The following PUDP variants were observed in gnomAD, a reference collection of about 807,000 sequenced individuals.
PUDP encodes pseudouridine-5'-phosphatase.
A neutral mutation model predicts 9.4 loss-of-function variants in PUDP; 8 were observed. That is an observed-to-expected ratio of 0.85 (90% CI 0.50 to 1.53). The LOEUF (loss-of-function observed/expected upper bound fraction) is 1.53, where lower values mean the gene tolerates loss of function less well. PUDP is among the 40% of genes most tolerant of loss of function. The pLI, the probability that PUDP is intolerant of heterozygous loss-of-function variation, is 0.00. For synonymous variants in PUDP, 99 were observed against 80.7 expected, an observed-to-expected ratio of 1.23 and a Z score of -1.22; for missense variants, 188 against 189.7, an observed-to-expected ratio of 0.99 and a Z score of 0.05.
chrX:7,122,849 T>A lies in PUDP; in HGVS notation c.62-17011A>T, dbSNP rs190610681. ...TATATATTTTCCTTCTCAACATACT[T>A]TCAGTATTTGAATAAAGATTAATGA... On this transcript the variant is annotated intron_variant, in intron 1 of 3. Transcript: ENST00000381077. 4.7e-3 allele frequency among the ~76,000 whole-genome samples: 532 copies of A among 112,715 alleles called. 4 individuals carry two copies. Among genetic ancestry groups the A allele is most frequent in the Non-Finnish European group, 7.2e-3 (382 of 53,346 alleles).
At chrX:7,135,798 T>C (rs1174728578) in intron 1 of PUDP, among the ~76,000 whole-genome samples, 1 of 111,137 alleles carries the variant, frequency 9.0e-6, no homozygotes, top group Non-Finnish European at 1.9e-5. Flanking sequence ...AACATCTACA[T>C]ACCCTATACC....
At position 6,841,074 on chromosome X, in the gene PUDP, C is replaced by T. The variant is rs868164255; in HGVS notation, c.*248-134608G>A. Among the ~76,000 whole-genome samples, 98 of 110,510 alleles carry T rather than the reference C, an allele frequency of 8.9e-4. 1 individual carries two copies. The highest frequency in any genetic ancestry group is 2.9e-3 in the African/African-American group (88 of 30,364). ...TGGGTGGATCACAAGGTCAGGAGTT[C>T]GAGACCAGCCCGGCCAATATTGTGA... On this transcript the variant is annotated intron_variant and NMD_transcript_variant, in intron 3 of 3. Transcript: ENST00000655425.
At chrX:6,918,019 C>T (rs1927961560) in intron 3 of PUDP, among the ~76,000 whole-genome samples, 1 of 112,358 alleles carries the variant, frequency 8.9e-6, no homozygotes, top group East Asian at 2.8e-4. Context: ...TCAGCAAAGA[C>T]ATGTGCCATC....
chrX:6,947,119 G>T (rs1398854748), intron 3 of PUDP, among the ~76,000 whole-genome samples: 3 of 109,071 alleles, frequency 2.8e-5, no homozygotes, highest in Non-Finnish European at 5.7e-5. Context: ...GCCTGCCTCA[G>T]CATCCCGAGT....
intron 3 of PUDP, among the ~76,000 whole-genome samples, chrX:6,939,372 ATAT>A (rs1444752332): frequency 4.7e-5 from 5 of 106,343 alleles, no homozygotes; most frequent in African/African-American, 1.3e-4. Context: ...TGCTATATTA[ATAT>A]TATTAATATA....
chrX:6,738,876 AT>A (rs1316384679), intron 3 of PUDP, among the ~76,000 whole-genome samples: 1 of 112,078 alleles, frequency 8.9e-6, no homozygotes, highest in African/African-American at 3.2e-5. Context: ...ATTGCCAGAC[AT>A]TTTTAAATGC....
At chrX:6,952,682 T>C (rs1273951283) in intron 3 of PUDP, among the ~76,000 whole-genome samples, 1 of 111,038 alleles carries the variant, frequency 9.0e-6, no homozygotes, top group Non-Finnish European at 1.9e-5. Flanking sequence ...ATCATGAGGG[T>C]GGAGCCCTCA....
chrX:6,727,037 C>T (rs908778151), intron 3 of PUDP, among the ~76,000 whole-genome samples: 2 of 111,059 alleles, frequency 1.8e-5, no homozygotes, highest in Non-Finnish European at 3.8e-5. Context: ...TGATAAATTA[C>T]GATTATGTAG....
At chrX:6,744,432 T>C (rs1281460113) in intron 3 of PUDP, among the ~76,000 whole-genome samples, 2 of 111,744 alleles carry the variant, frequency 1.8e-5, no homozygotes, top group Non-Finnish European at 3.8e-5. Context: ...ACGGCTACAA[T>C]GGAAGGTATG....
intron 3 of PUDP, among the ~76,000 whole-genome samples, chrX:6,956,802 ACCATAGAAGGGT>A (rs778038776): frequency 1.8e-5 from 2 of 111,831 alleles, no homozygotes; most frequent in East Asian, 5.6e-4. Flanking sequence ...ACCAAAAGCC[ACCATAGAAGGGT>A]CCTGATTCCA....
At position 6,823,844 on chromosome X, in the gene PUDP, C is replaced by A. The variant is rs779583872; in HGVS notation, c.*248-117378G>T. On this transcript the variant is annotated intron_variant and NMD_transcript_variant, in intron 3 of 3. Transcript: ENST00000655425. ...TAGACCATATAGGGTAACTTCCGGACATTGCCGTGGCACCTGTAAACTGTC... is the reference window on the plus strand; with the variant it reads ...TAGACCATATAGGGTAACTTCCGGAAATTGCCGTGGCACCTGTAAACTGTC... Among the ~76,000 whole-genome samples, 11 of 112,394 alleles carry A rather than the reference C, an allele frequency of 9.8e-5. No homozygotes were observed. The East Asian group carries it at 3.1e-3, about 32-fold the overall frequency.
intron 3 of PUDP, among the ~76,000 whole-genome samples, chrX:6,778,284 AC>A (rs1445246231): frequency 2.1e-4 from 23 of 112,190 alleles, no homozygotes; most frequent in African/African-American, 7.4e-4. Flanking sequence ...TCTTGGAAAC[AC>A]CCTCTATCTG....
At chrX:7,070,187 C>T (rs1930685537) in intron 3 of PUDP, among the ~76,000 whole-genome samples, 1 of 112,199 alleles carries the variant, frequency 8.9e-6, no homozygotes, top group African/African-American at 3.2e-5. Context: ...GAAGGGACAC[C>T]AAGCCCAAAG....
intron 1 of PUDP, chrX:7,113,013 G>A (rs1235858996): frequency 1.8e-5 from 2 of 112,282 alleles, no homozygotes; most frequent in African/African-American, 6.5e-5. Context: ...TCTTCAAAAA[G>A]ATTAAAGCCC....
rs142447149 is a variant in PUDP, at chrX:6,733,431, G to A, written c.*248-26965C>T. The stretch of plus-strand genomic sequence containing the variant: ...TAGAGGTGGAGGAGGCCTGATGGGG[G>A]CGGCGCCTCAGAACCTCATGGGGAC... On this transcript the variant is annotated intron_variant and NMD_transcript_variant, in intron 3 of 3. Transcript: ENST00000655425. Among the ~76,000 whole-genome samples the A allele has an allele frequency of 4.0e-3, 450 of 111,614 alleles. 1 individual carries two copies. The highest frequency in any genetic ancestry group is 6.4e-3 in the Non-Finnish European group (341 of 53,116).
intron 3 of PUDP, among the ~76,000 whole-genome samples, chrX:6,793,847 G>T (rs1209244468): frequency 8.9e-6 from 1 of 111,838 alleles, no homozygotes; most frequent in Non-Finnish European, 1.9e-5. Flanking sequence ...AACCTCAGAA[G>T]TATTTAAGAA....
At chrX:6,752,637 G>C (rs1376155640) in intron 3 of PUDP, among the ~76,000 whole-genome samples, 1 of 111,353 alleles carries the variant, frequency 9.0e-6, no homozygotes, top group Non-Finnish European at 1.9e-5. Flanking sequence ...ACGTCAGGAA[G>C]GCAAAGTCAA....
chrX:6,854,381 G>A (rs1174957608), intron 3 of PUDP, among the ~76,000 whole-genome samples: 1 of 111,902 alleles, frequency 8.9e-6, no homozygotes, highest in East Asian at 2.8e-4. Context: ...AGTCATCTCA[G>A]GTTACAAAGA....
At chrX:7,087,962 G>A (rs749610238) in intron 2 of PUDP, among the ~76,000 whole-genome samples, 1 of 111,771 alleles carries the variant, frequency 8.9e-6, no homozygotes, top group African/African-American at 3.3e-5. Context: ...CTCGTTATCA[G>A]TATCACTGAT....
Sources: gnomAD v4.1 joint callset for allele counts (sites outside exome capture counted in the v4.1 genomes callset) on GRCh38, gnomAD v4.1.1 for gene constraint, MANE v1.5 for transcripts, NCBI Gene and HGNC (gene_info 2026-07-23, HGNC 2026-07-21) for gene names.